Variants in ULK4 observed in about 807,000 individuals in gnomAD.
ULK4 encodes inactive serine/threonine-protein kinase ULK4.
A neutral mutation model predicts 160.6 loss-of-function variants in ULK4; 133 were observed. That is an observed-to-expected ratio of 0.83 (90% confidence interval 0.72 to 0.96). The LOEUF is 0.96. Among genes scored for constraint, ULK4 ranks in the 40% least tolerant of loss-of-function variants. The pLI, the probability that ULK4 is intolerant of heterozygous loss-of-function variation, is 0.00. For synonymous variants in ULK4, 534 were observed against 539.8 expected (o/e 0.99, Z 0.15); for missense variants, 1,580 against 1,499.5 (o/e 1.05, Z -0.89).
At chr3:41,959,102 G>A (rs149912162) in intron 1 of ULK4, among the ~76,000 whole-genome samples, 7,007 of 152,102 alleles carry the variant, frequency 0.046, 488 homozygotes, top group African/African-American at 0.16. Context: ...AGTGGCTTAC[G>A]CCTGTAATCC....
Position 41,836,011 on chromosome 3 carries a change from G to A in ULK4, c.1657-40C>T, listed in dbSNP as rs111937050. 3,182 of 1,322,810 alleles carry A rather than the reference G, an allele frequency of 2.4e-3. 53 individuals carry two copies. In the African/African-American group the frequency reaches 0.042, roughly 18 times the overall value. The allele number at this position is 1,322,810 out of a possible 1,614,324, so 81.9% of individuals were successfully genotyped here. ...AAAAAAAAAGTAAATTATTTCAAAT[G>A]TATCTCTCAGTTCTTAAACCTATAT... On this transcript the variant is annotated intron_variant, in intron 17 of 36. Transcript: ENST00000301831.
chr3:41,869,138 C>T (rs1697003420), intron 17 of ULK4: 1 of 151,970 alleles, frequency 6.6e-6, no homozygotes, highest in Non-Finnish European at 1.5e-5. Context: ...TTAGTAATTA[C>T]TCTTGTTTTT....
At chr3:41,555,665 C>T (rs1368906730) in intron 32 of ULK4, among the ~76,000 whole-genome samples, 1 of 152,192 alleles carries the variant, frequency 6.6e-6, no homozygotes, top group African/African-American at 2.4e-5. Flanking sequence ...AATCCCATTA[C>T]TGGGTAGACA....
At chr3:41,532,960 A>AT (rs2086372614) in intron 32 of ULK4, among the ~76,000 whole-genome samples, 1 of 152,206 alleles carries the variant, frequency 6.6e-6, no homozygotes, top group South Asian at 2.1e-4. Context: ...AACCAATAAA[A>AT]TGTGATGAAA....
intron 20 of ULK4, among the ~76,000 whole-genome samples, chr3:41,794,135 T>A (rs1216512506): frequency 6.6e-6 from 1 of 152,114 alleles, no homozygotes; most frequent in Non-Finnish European, 1.5e-5. Context: ...TGTAGAACAA[T>A]CTATGGAGCC....
intron 35 of ULK4, among the ~76,000 whole-genome samples, chr3:41,319,573 A>C (rs1011045281): frequency 6.6e-6 from 1 of 152,222 alleles, no homozygotes; most frequent in Non-Finnish European, 1.5e-5. Context: ...ATCTTGGTAC[A>C]TGGTCAAAGT....
intron 21 of ULK4, among the ~76,000 whole-genome samples, chr3:41,785,115 A>C (rs1231389519): frequency 6.6e-6 from 1 of 152,232 alleles, no homozygotes; most frequent in Non-Finnish European, 1.5e-5. Context: ...AATCTATTAG[A>C]GGTGAACACA....
intron 12 of ULK4, among the ~76,000 whole-genome samples, chr3:41,906,513 A>T (rs1186300774): frequency 6.6e-6 from 1 of 152,000 alleles, no homozygotes; most frequent in Non-Finnish European, 1.5e-5. Context: ...TGGATGACAG[A>T]GTGAGACATT....
At chr3:41,897,087 T>C (rs951630030) in intron 14 of ULK4, 84 bp from the exon 15 acceptor site, 5 of 1,242,198 alleles carry the variant, frequency 4.0e-6, no homozygotes, top group Non-Finnish European at 5.5e-6. Flanking sequence ...AACACAGAAT[T>C]ACGACAGCTA....
intron 32 of ULK4, among the ~76,000 whole-genome samples, chr3:41,564,190 G>T (rs2087704424): frequency 6.6e-6 from 1 of 152,132 alleles, no homozygotes; most frequent in Admixed American, 6.5e-5. Flanking sequence ...ATCACCAGCG[G>T]AGGCTGCAGA....
rs147119114 is a variant in ULK4 at position 41,372,553 on chromosome 3, A to G, written c.3678+25526T>C. On this transcript the variant is annotated intron_variant, in intron 35 of 36. Coordinates refer to ENST00000301831, the MANE Select transcript of ULK4 (RefSeq NM_017886.4). ...TCCAGCCAAACTAAGCTTCATAAGT[A>G]AAGGAGAAATAAAATCCTTTACAGA... 2.9e-3 allele frequency among the ~76,000 whole-genome samples: 438 copies of G among 152,288 alleles called. 1 individual carries two copies. The highest frequency in any genetic ancestry group is 0.015 in the East Asian group (76 of 5,178).
intron 35 of ULK4, among the ~76,000 whole-genome samples, chr3:41,299,088 T>C (rs532652919): frequency 6.6e-6 from 1 of 152,308 alleles, no homozygotes; most frequent in South Asian, 2.1e-4. Flanking sequence ...GTGACTTGTG[T>C]TGGCCAACAG....
chr3:41,635,942 T>C (rs1477660785), intron 30 of ULK4, among the ~76,000 whole-genome samples: 1 of 152,252 alleles, frequency 6.6e-6, no homozygotes, highest in Non-Finnish European at 1.5e-5. Context: ...TTTAGATACA[T>C]AGTTTTCCAA....
At chr3:41,341,288 C>T (rs1030196780) in intron 35 of ULK4, among the ~76,000 whole-genome samples, 3 of 152,034 alleles carry the variant, frequency 2.0e-5, no homozygotes, top group African/African-American at 7.3e-5. Flanking sequence ...ATAGCCAGGC[C>T]CTGTGATGGT....
chr3:41,320,734 C>G (rs1477981857), intron 35 of ULK4, among the ~76,000 whole-genome samples: 13 of 133,428 alleles, frequency 9.7e-5, no homozygotes, highest in Non-Finnish European at 1.8e-4. Context: ...CTGGCCAACA[C>G]GGTGAAACCC....
chr3:41,437,532 T>A (rs1365894376), intron 34 of ULK4, among the ~76,000 whole-genome samples: 1 of 152,186 alleles, frequency 6.6e-6, no homozygotes, highest in Admixed American at 6.5e-5. Flanking sequence ...TTACACACTA[T>A]ACTCTGGGCA....
At chr3:41,782,733 G>A (rs1362365825) in intron 21 of ULK4, among the ~76,000 whole-genome samples, 1 of 152,014 alleles carries the variant, frequency 6.6e-6, no homozygotes, top group Non-Finnish European at 1.5e-5. Flanking sequence ...TAAGAAATGA[G>A]ACTAATTTAG....
intron 34 of ULK4, among the ~76,000 whole-genome samples, chr3:41,407,480 A>C (rs1259839861): frequency 6.6e-6 from 1 of 152,190 alleles, no homozygotes; most frequent in Non-Finnish European, 1.5e-5. Context: ...ACCCTCAACA[A>C]AATAGTAGCA....
chr3:41,327,737 C>T (rs923345347), intron 35 of ULK4, among the ~76,000 whole-genome samples: 8 of 152,122 alleles, frequency 5.3e-5, no homozygotes, highest in African/African-American at 1.4e-4. Flanking sequence ...TGTATTTATG[C>T]GGCGCCATCC....
Sources: gnomAD v4.1 joint callset for allele counts (sites outside exome capture counted in the v4.1 genomes callset) on GRCh38, gnomAD v4.1.1 for gene constraint, MANE v1.5 for transcripts, NCBI Gene and HGNC (gene_info 2026-07-23, HGNC 2026-07-21) for gene names.